FSTL4: variants seen among roughly 807,000 people sequenced by gnomAD.
FSTL4 encodes follistatin-related protein 4.
FSTL4 carries 28 observed loss-of-function variants against 78.2 expected under a neutral mutation model. The observed-to-expected ratio is 0.36, with a 90% confidence interval of 0.27 to 0.49. FSTL4 has a LOEUF of 0.49. Ranked by LOEUF, FSTL4 falls within the 20% of genes least tolerant of loss-of-function variation. The pLI is 0.98. For missense variants in FSTL4, 922 were observed against 1,084.9 expected, an observed-to-expected ratio of 0.85 and a Z score of 2.11; for synonymous variants, 422 against 440.5, an observed-to-expected ratio of 0.96 and a Z score of 0.53.
the FSTL4 span, among the ~76,000 whole-genome samples, chr5:133,740,833 T>G: frequency 6.6e-6 from 1 of 152,120 alleles, no homozygotes; most frequent in African/African-American, 2.4e-5. Context: ...TCCACCCTGG[T>G]AGATGCCAGC....
the FSTL4 span, among the ~76,000 whole-genome samples, chr5:133,814,348 G>A: frequency 6.6e-6 from 1 of 152,208 alleles, no homozygotes; most frequent in Admixed American, 6.5e-5. Context: ...AGCATAACAA[G>A]CACGTTCCTG....
the FSTL4 span, among the ~76,000 whole-genome samples, chr5:133,819,293 G>T: frequency 6.6e-6 from 1 of 152,036 alleles, no homozygotes; most frequent in South Asian, 2.1e-4. Flanking sequence ...TGGGTGCAGG[G>T]CCCTTGGGAG....
At chr5:133,286,638 C>T (rs2126864321) in intron 6 of FSTL4, among the ~76,000 whole-genome samples, 1 of 152,296 alleles carries the variant, frequency 6.6e-6, no homozygotes, top group African/African-American at 2.4e-5. Context: ...ATTGGGGACC[C>T]TCCACTATGC....
chr5:133,410,409 C>T (rs1357783179), intron 3 of FSTL4, among the ~76,000 whole-genome samples: 1 of 152,228 alleles, frequency 6.6e-6, no homozygotes, highest in African/African-American at 2.4e-5. Flanking sequence ...TCTCCACGGT[C>T]TGCACCGTCT....
At chr5:133,235,360 G>A (rs1047867004) in intron 7 of FSTL4, among the ~76,000 whole-genome samples, 1 of 152,064 alleles carries the variant, frequency 6.6e-6, no homozygotes, top group Non-Finnish European at 1.5e-5. Flanking sequence ...TTAGCTGGGC[G>A]TGGAGGCGGG....
intron 3 of FSTL4, among the ~76,000 whole-genome samples, chr5:133,438,918 G>A (rs1399845610): frequency 2.0e-5 from 3 of 152,216 alleles, no homozygotes; most frequent in East Asian, 3.8e-4. Context: ...GGATGAGCGC[G>A]GATGCTCAAG....
At chr5:133,641,457 G>A in the FSTL4 span, among the ~76,000 whole-genome samples, 30 of 152,080 alleles carry the variant, frequency 2.0e-4, no homozygotes, top group African/African-American at 7.0e-4. Context: ...TTTGCTGAGA[G>A]GCACTTCTGC....
chr5:133,309,816 G>A (rs1753735525), intron 6 of FSTL4, among the ~76,000 whole-genome samples: 1 of 152,168 alleles, frequency 6.6e-6, no homozygotes. Context: ...ACCTCACCCT[G>A]CCTTATACCC....
intron 8 of FSTL4, among the ~76,000 whole-genome samples, chr5:133,231,220 T>C: frequency 6.6e-6 from 1 of 151,700 alleles, no homozygotes; most frequent in South Asian, 2.1e-4. Flanking sequence ...AGTTTCTCTC[T>C]CAACTATGCC....
In FSTL4 at chr5:133,428,234, T is replaced by C. The variant is rs575199950; in HGVS notation, c.161-27248A>G. On this transcript the variant is annotated intron_variant, in intron 3 of 15. Transcript: ENST00000265342. ...TGGAACTGGCAGGACTCTTGATCTA[T>C]TTTACCTGGGTATGCCAGACAGATG... is the stretch of plus-strand genomic sequence containing the variant. Among the ~76,000 whole-genome samples, 21 of 152,308 alleles carry C rather than the reference T, an allele frequency of 1.4e-4. No homozygotes were observed. The South Asian group carries it at 2.9e-3, about 21-fold the overall frequency.
chr5:133,379,893 G>T (rs754153136), intron 4 of FSTL4, among the ~76,000 whole-genome samples: 28 of 151,792 alleles, frequency 1.8e-4, no homozygotes, highest in African/African-American at 6.5e-4. Context: ...TGGCCAACAT[G>T]GTGAAACCTC....
At chr5:133,272,035 C>T (rs1454764287) in intron 6 of FSTL4, among the ~76,000 whole-genome samples, 2 of 152,162 alleles carry the variant, frequency 1.3e-5, no homozygotes, top group South Asian at 2.1e-4. Context: ...CCCCCAGCTT[C>T]CTAAGAGCGA....
chr5:133,571,824 G>A (rs1337555537), intron 2 of FSTL4, among the ~76,000 whole-genome samples: 1 of 152,038 alleles, frequency 6.6e-6, no homozygotes, highest in African/African-American at 2.4e-5. Context: ...AGCTAGATCA[G>A]TAAAAATTAA....
At chr5:133,448,299 G>A (rs1346314215) in intron 3 of FSTL4, among the ~76,000 whole-genome samples, 1 of 152,174 alleles carries the variant, frequency 6.6e-6, no homozygotes, top group East Asian at 1.9e-4. Context: ...ACAGGCCCAG[G>A]GACCGTCCTC....
At chr5:133,762,681 T>G in the FSTL4 span, among the ~76,000 whole-genome samples, 1 of 152,206 alleles carries the variant, frequency 6.6e-6, no homozygotes, top group Admixed American at 6.5e-5. Context: ...GGTTTGCTCA[T>G]GGTCCCAAAA....
the FSTL4 span, among the ~76,000 whole-genome samples, chr5:133,828,426 C>G: frequency 0.012 from 1,803 of 152,304 alleles, 41 homozygotes; most frequent in African/African-American, 0.042. Context: ...CTACAATATA[C>G]ACCATATTAC....
the FSTL4 span, among the ~76,000 whole-genome samples, chr5:133,685,590 C>A: frequency 1.3e-5 from 2 of 152,226 alleles, no homozygotes; most frequent in Non-Finnish European, 1.5e-5. Context: ...AACACTCCTG[C>A]TGCTTTCTAG....
At chr5:133,691,677 G>A in the FSTL4 span, among the ~76,000 whole-genome samples, 1 of 152,022 alleles carries the variant, frequency 6.6e-6, no homozygotes, top group Non-Finnish European at 1.5e-5. Flanking sequence ...TGGGGTGAAT[G>A]GAGGGAGGGT....
At chr5:133,659,845 T>C in the FSTL4 span, among the ~76,000 whole-genome samples, 1 of 152,088 alleles carries the variant, frequency 6.6e-6, no homozygotes. Flanking sequence ...CTATTAATAT[T>C]TTTCCTCTAG....
Sources: gnomAD v4.1 joint callset for allele counts (sites outside exome capture counted in the v4.1 genomes callset) on GRCh38, gnomAD v4.1.1 for gene constraint, MANE v1.5 for transcripts, NCBI Gene and HGNC (gene_info 2026-07-23, HGNC 2026-07-21) for gene names.